The following PTPRE variants were observed in gnomAD, a reference collection of about 807,000 sequenced individuals.
The protein encoded by PTPRE is protein tyrosine phosphatase receptor type E, also known as receptor-type tyrosine-protein phosphatase epsilon.
Under a neutral mutation model 102.0 loss-of-function variants are expected in PTPRE, and 51 were observed. That is an observed-to-expected ratio of 0.50 (90% confidence interval 0.40 to 0.63). The LOEUF is 0.63. Among genes scored for constraint, PTPRE ranks in the 30% least tolerant of loss-of-function variants. The pLI is 0.00. For synonymous variants in PTPRE, 345 were observed against 348.2 expected, an observed-to-expected ratio of 0.99 and a Z score of 0.10; for missense variants, 752 against 915.1, an observed-to-expected ratio of 0.82 and a Z score of 2.30.
chr10:127,912,783 C>T (rs1011291529), intron 1 of PTPRE, among the ~76,000 whole-genome samples: 1 of 152,228 alleles, frequency 6.6e-6, no homozygotes, highest in African/African-American at 2.4e-5. Context: ...CCCACAATGC[C>T]TGGAGCTCAG....
chr10:128,061,045 G>A (rs1849545053), intron 8 of PTPRE, 30 bp downstream of exon 8: 1 of 1,603,052 alleles, frequency 6.2e-7, no homozygotes, highest in Non-Finnish European at 8.5e-7. Context: ...TTGTTCCCCT[G>A]GCCCAGCTGG....
rs35994733 is a variant in PTPRE, at chr10:127,923,398, ATTTTTTT to A, written c.-31+16106_-31+16112del. 3.5e-4 allele frequency among the ~76,000 whole-genome samples: 37 copies of A among 106,920 alleles called. 1 individual carries two copies. The highest frequency in any genetic ancestry group is 2.8e-3 in the Admixed American group (29 of 10,448). 70.1% of individuals were successfully genotyped at this position (106,920 alleles called of 152,430 possible). ...GATCCTGATGTGAAAACCAGTTTGA[ATTTTTTT>A]TTTTTTTTTTTTTTTTGAGACGGAA... On this transcript the variant is annotated intron_variant, in intron 1 of 20. Coordinates refer to ENST00000254667, the MANE Select transcript of PTPRE (RefSeq NM_006504.6).
intron 1 of PTPRE, among the ~76,000 whole-genome samples, chr10:127,914,212 C>T (rs557333073): frequency 6.6e-6 from 1 of 152,332 alleles, no homozygotes; most frequent in African/African-American, 2.4e-5. Flanking sequence ...TTGGAAGCTT[C>T]CTGAGCCTCA....
chr10:128,014,920 C>T (rs1423859974), intron 2 of PTPRE, among the ~76,000 whole-genome samples: 4 of 152,164 alleles, frequency 2.6e-5, no homozygotes, highest in African/African-American at 9.7e-5. Flanking sequence ...GGGGGCCATG[C>T]TGACACTCTG....
intron 2 of PTPRE, chr10:127,999,839 A>AT (rs1368594807): frequency 2.0e-5 from 20 of 985,290 alleles, no homozygotes; most frequent in Non-Finnish European, 2.4e-5. Flanking sequence ...TAAATGATGT[A>AT]TTGCCTTTCG....
At chr10:128,051,157 C>G (rs144499040) in intron 6 of PTPRE, among the ~76,000 whole-genome samples, 1 of 152,200 alleles carries the variant, frequency 6.6e-6, no homozygotes, top group African/African-American at 2.4e-5. Context: ...CATCCCATTT[C>G]CCCTTGCACT....
At chr10:127,973,274 G>C (rs1425632296) in intron 1 of PTPRE, among the ~76,000 whole-genome samples, 1 of 152,164 alleles carries the variant, frequency 6.6e-6, no homozygotes, top group African/African-American at 2.4e-5. Context: ...ACACATTTCT[G>C]TTAGGAGCAC....
intron 2 of PTPRE, among the ~76,000 whole-genome samples, chr10:127,985,318 C>T (rs750973126): frequency 6.6e-6 from 1 of 152,184 alleles, no homozygotes; most frequent in East Asian, 1.9e-4. Flanking sequence ...CGTGGTGGCT[C>T]ATGCCTGTAA....
intron 17 of PTPRE, among the ~76,000 whole-genome samples, chr10:128,074,072 A>T (rs1205857245): frequency 6.6e-6 from 1 of 152,228 alleles, no homozygotes; most frequent in Non-Finnish European, 1.5e-5. Flanking sequence ...CGTACCATTA[A>T]CAGTCACTCC....
At chr10:128,026,805 A>G (rs1846321555) in intron 2 of PTPRE, among the ~76,000 whole-genome samples, 1 of 152,252 alleles carries the variant, frequency 6.6e-6, no homozygotes, top group African/African-American at 2.4e-5. Context: ...CCGTGGCTAC[A>G]TCTGAAACAT....
At chr10:128,002,991 G>A (rs1854124150) in intron 2 of PTPRE, among the ~76,000 whole-genome samples, 1 of 152,162 alleles carries the variant, frequency 6.6e-6, no homozygotes, top group Admixed American at 6.5e-5. Context: ...ACTGTGCCTG[G>A]CCTGGGAGTC....
chr10:127,959,827 G>A (rs1238416213), intron 1 of PTPRE, among the ~76,000 whole-genome samples: 2 of 152,128 alleles, frequency 1.3e-5, no homozygotes, highest in African/African-American at 2.4e-5. Context: ...CACCTTGCAG[G>A]CTGCTTGTGA....
intron 2 of PTPRE, among the ~76,000 whole-genome samples, chr10:128,018,611 G>A (rs1408539281): frequency 6.6e-6 from 1 of 152,182 alleles, no homozygotes; most frequent in East Asian, 1.9e-4. Context: ...GAAACTCGGA[G>A]GGAGGAGAGG....
intron 1 of PTPRE, among the ~76,000 whole-genome samples, chr10:127,964,034 T>C (rs1392944695): frequency 6.6e-6 from 1 of 152,224 alleles, no homozygotes; most frequent in Non-Finnish European, 1.5e-5. Flanking sequence ...ATCTTCCATC[T>C]GATGTTCAGC....
At chr10:128,017,395 G>A (rs1678647607) in intron 2 of PTPRE, among the ~76,000 whole-genome samples, 1 of 152,150 alleles carries the variant, frequency 6.6e-6, no homozygotes, top group Admixed American at 6.5e-5. Flanking sequence ...GCCTCAAAGA[G>A]GAGTCTGGGT....
rs144085630 is a variant in PTPRE, at chr10:127,913,251, G to A, written c.-31+5942G>A. 3.3e-5 allele frequency among the ~76,000 whole-genome samples: 5 copies of A among 152,330 alleles called. No homozygotes were observed. The East Asian group carries it at 9.6e-4, about 29-fold the overall frequency. ...CGGAATCAAAGGCCTGAGATGATGT[G>A]AGCCCTGACTTCTCCTCTGCCACAG... On this transcript the variant is annotated intron_variant, in intron 1 of 20. Transcript: ENST00000254667.
chr10:128,049,994 C>T lies in PTPRE; in HGVS notation c.420+328C>T, dbSNP rs956482478. ...AGAAGGCTAGGACCTGAGCGCGGCA[C>T]GGTATGACAATATCATGGGGAAAGT... On this transcript the variant is annotated intron_variant, in intron 6 of 20. Transcript: ENST00000254667. Among the ~76,000 whole-genome samples, 8 of 152,284 alleles carry T rather than the reference C, an allele frequency of 5.3e-5. No homozygotes were observed. In the East Asian group the frequency reaches 9.7e-4, roughly 18 times the overall value.
At chr10:127,934,765 T>C (rs1847716070) in intron 1 of PTPRE, 1 of 152,304 alleles carries the variant, frequency 6.6e-6, no homozygotes, top group South Asian at 2.1e-4. Flanking sequence ...TGTCTACACC[T>C]GGGAGGTGGT....
intron 11 of PTPRE, among the ~76,000 whole-genome samples, chr10:128,067,399 CAT>C (rs1491270445): frequency 0.012 from 1,769 of 150,368 alleles, 39 homozygotes; most frequent in African/African-American, 0.04. Flanking sequence ...TGCACACACA[CAT>C]ACACGCACAT....
Sources: gnomAD v4.1 joint callset for allele counts (sites outside exome capture counted in the v4.1 genomes callset) on GRCh38, gnomAD v4.1.1 for gene constraint, MANE v1.5 for transcripts, NCBI Gene and HGNC (gene_info 2026-07-23, HGNC 2026-07-21) for gene names.